The following ATRX variants were observed in gnomAD, a reference collection of about 807,000 sequenced individuals.
ATRX encodes the protein chromatin remodeler ATRX.
ATRX carries 12 observed loss-of-function variants against 172.6 expected under a neutral mutation model. The observed-to-expected ratio is 0.07, with a 90% CI of 0.04 to 0.11. The LOEUF (loss-of-function observed/expected upper bound fraction) is 0.11, where lower values mean the gene tolerates loss of function less well. Ranked by LOEUF, ATRX falls within the 10% of genes least tolerant of loss-of-function variation. The pLI is 1.00. For missense variants in ATRX, 1,368 were observed against 1,767.4 expected (o/e 0.77, Z 4.05); for synonymous variants, 674 against 594.7 (o/e 1.13, Z -1.94).
intron 1 of ATRX, among the ~76,000 whole-genome samples, chrX:77,771,913 T>A (rs1163502541): frequency 2.7e-5 from 3 of 111,488 alleles, no homozygotes; most frequent in African/African-American, 9.8e-5. Context: ...GGACAGCCTC[T>A]AACAAAAAAT....
chrX:77,701,310 G>A (rs782474458), intron 2 of ATRX, among the ~76,000 whole-genome samples: 2 of 110,218 alleles, frequency 1.8e-5, no homozygotes, highest in Non-Finnish European at 3.8e-5. Flanking sequence ...TCAGGAGTTC[G>A]AGACCAGCTT....
At chrX:77,622,431 C>T (rs978972947) in intron 19 of ATRX, among the ~76,000 whole-genome samples, 2 of 111,070 alleles carry the variant, frequency 1.8e-5, no homozygotes, top group Non-Finnish European at 3.8e-5. Context: ...AAAGCCAAGC[C>T]GAGCGAAATA....
intron 1 of ATRX, among the ~76,000 whole-genome samples, chrX:77,746,933 T>C (rs1360542010): frequency 9.0e-6 from 1 of 110,513 alleles, no homozygotes; most frequent in Non-Finnish European, 1.9e-5. Flanking sequence ...CCTGAGTAGC[T>C]GAGACTACAG....
rs782401084 is a variant in ATRX, at chrX:77,757,528, TAAATA to T, written c.20+28449_20+28453del. 6.3e-5 allele frequency among the ~76,000 whole-genome samples: 7 copies of T among 111,969 alleles called. No homozygotes were observed. In the South Asian group the frequency reaches 2.6e-3, roughly 41 times the overall value. ...TGATGAATAATCTCTAAATAGATAA[TAAATA>T]AAATAATCTCTAAATCAAAAAATAT... On this transcript the variant is annotated intron_variant, in intron 1 of 34. Transcript: ENST00000373344.
intron 2 of ATRX, among the ~76,000 whole-genome samples, chrX:77,700,025 A>AT (rs1326571763): frequency 8.9e-6 from 1 of 111,952 alleles, no homozygotes; most frequent in African/African-American, 3.2e-5. Context: ...GTCCACAAAA[A>AT]TATTAGAAAA....
At chrX:77,589,350 T>C (rs1328444769) in intron 27 of ATRX, among the ~76,000 whole-genome samples, 2 of 112,052 alleles carry the variant, frequency 1.8e-5, no homozygotes. Context: ...GTGATGTTTG[T>C]ACATCTCTGT....
chrX:77,778,645 C>T (rs1479329774), intron 1 of ATRX, among the ~76,000 whole-genome samples: 1 of 105,417 alleles, frequency 9.5e-6, no homozygotes, highest in African/African-American at 3.5e-5. Context: ...CGCTTGAACC[C>T]GGGAAGCGGA....
intron 30 of ATRX, among the ~76,000 whole-genome samples, chrX:77,542,079 C>G (rs1557051093): frequency 8.9e-6 from 1 of 111,828 alleles, no homozygotes; most frequent in Non-Finnish European, 1.9e-5. Flanking sequence ...ATCGCCTCAG[C>G]CCAAAATCTC....
At chrX:77,689,273 T>C (rs5958884) in intron 6 of ATRX, among the ~76,000 whole-genome samples, 1 of 112,106 alleles carries the variant, frequency 8.9e-6, no homozygotes, top group African/African-American at 3.2e-5. Context: ...TATCAGTCCT[T>C]AAAGAATGGG....
At chrX:77,697,019 T>A (rs1200177236) in intron 4 of ATRX, among the ~76,000 whole-genome samples, 1 of 112,160 alleles carries the variant, frequency 8.9e-6, no homozygotes, top group East Asian at 2.8e-4. Flanking sequence ...TTCCCACTGG[T>A]TAGAAACAAT....
chrX:77,738,707 G>C (rs2074717413), intron 1 of ATRX, among the ~76,000 whole-genome samples: 2 of 107,996 alleles, frequency 1.9e-5, no homozygotes, highest in East Asian at 5.9e-4. Flanking sequence ...GGGATTACAG[G>C]TATGCGCCCC....
intron 17 of ATRX, 79 bp downstream of exon 17, chrX:77,634,515 G>A (rs1557107123): frequency 2.3e-6 from 2 of 856,108 alleles, no homozygotes; most frequent in East Asian, 6.2e-5. Flanking sequence ...CCCTACGACT[G>A]TGCCTGAAAC....
intron 1 of ATRX, among the ~76,000 whole-genome samples, chrX:77,774,881 CTTTTG>C (rs1257945307): frequency 6.6e-5 from 7 of 105,799 alleles, no homozygotes; most frequent in Non-Finnish European, 9.6e-5. Context: ...TAATTTAGTA[CTTTTG>C]TTTGTTTGTT....
intron 28 of ATRX, among the ~76,000 whole-genome samples, chrX:77,560,306 A>G (rs1483425184): frequency 9.0e-6 from 1 of 111,683 alleles, no homozygotes; most frequent in African/African-American, 3.2e-5. Flanking sequence ...CCCCAGAAAC[A>G]ACCTCCATTC....
chrX:77,625,232 C>T (rs1051835319), intron 19 of ATRX, among the ~76,000 whole-genome samples: 6 of 112,485 alleles, frequency 5.3e-5, no homozygotes, highest in Admixed American at 3.8e-4. Context: ...TCATCTTATA[C>T]AAAAATCACC....
At chrX:77,586,812 G>A (rs782773437) in intron 27 of ATRX, among the ~76,000 whole-genome samples, 4 of 111,530 alleles carry the variant, frequency 3.6e-5, no homozygotes, top group Admixed American at 9.5e-5. Flanking sequence ...TAATCCCAGT[G>A]CTTTAAGAGG....
At chrX:77,620,740 T>C (rs1433565196) in intron 19 of ATRX, among the ~76,000 whole-genome samples, 6 of 111,534 alleles carry the variant, frequency 5.4e-5, no homozygotes, top group Middle Eastern at 4.7e-3. Context: ...TGGTAGAGCA[T>C]TGAAATACCA....
At chrX:77,705,153 T>C (rs2072746954) in intron 2 of ATRX, among the ~76,000 whole-genome samples, 1 of 111,059 alleles carries the variant, frequency 9.0e-6, no homozygotes, top group Non-Finnish European at 1.9e-5. Context: ...GTAGCCGCAG[T>C]TTGGGAGACT....
chrX:77,696,232 T>A (rs2072180782), intron 5 of ATRX, among the ~76,000 whole-genome samples: 1 of 112,118 alleles, frequency 8.9e-6, no homozygotes, highest in South Asian at 3.6e-4. Flanking sequence ...CATTTTTGTA[T>A]AAAGCAAGCA....
Sources: gnomAD v4.1 joint callset for allele counts (sites outside exome capture counted in the v4.1 genomes callset) on GRCh38, gnomAD v4.1.1 for gene constraint, MANE v1.5 for transcripts, NCBI Gene and HGNC (gene_info 2026-07-23, HGNC 2026-07-21) for gene names.